CCDC171: variants seen among roughly 807,000 people sequenced by gnomAD.
CCDC171 encodes the protein coiled-coil domain containing 171.
CCDC171 carries 177 observed loss-of-function variants against 168.2 expected under a neutral mutation model. That is an observed-to-expected ratio of 1.05 (90% CI 0.93 to 1.19). CCDC171 has a LOEUF of 1.19. CCDC171 is among the 50% of genes most tolerant of loss of function. The pLI is 0.00. For synonymous variants in CCDC171, 687 were observed against 540.8 expected (o/e 1.27, Z -3.75); for missense variants, 1,991 against 1,539.0 (o/e 1.29, Z -4.91).
chr9:15,691,931 C>A (rs1335251336), intron 10 of CCDC171, among the ~76,000 whole-genome samples: 1 of 152,126 alleles, frequency 6.6e-6, no homozygotes, highest in Non-Finnish European at 1.5e-5. Flanking sequence ...GCCTTGGCCT[C>A]CCAAAGTGCT....
intron 21 of CCDC171, among the ~76,000 whole-genome samples, chr9:15,789,411 T>C (rs1167806507): frequency 1.3e-5 from 2 of 152,288 alleles, no homozygotes; most frequent in East Asian, 3.9e-4. Context: ...AGATAGGAGC[T>C]TGAACCTAAA....
intron 12 of CCDC171, 128 bp downstream of exon 12, chr9:15,722,003 A>G (rs1249421969): frequency 1.5e-5 from 6 of 388,086 alleles, no homozygotes; most frequent in Non-Finnish European, 2.3e-5. Context: ...ACAAAAAATA[A>G]TAAATTATCT....
intron 21 of CCDC171, chr9:15,845,553 T>A (rs2060859246): frequency 6.6e-6 from 1 of 152,162 alleles, no homozygotes; most frequent in African/African-American, 2.4e-5. Context: ...CTTTTTTTTA[T>A]ACTACCCATT....
At chr9:16,036,758 G>A (rs989413565) in intron 8 of CCDC171, among the ~76,000 whole-genome samples, 1 of 152,224 alleles carries the variant, frequency 6.6e-6, no homozygotes, top group Non-Finnish European at 1.5e-5. Flanking sequence ...TTGGGTTTGA[G>A]GTTTGAATTT....
intron 24 of CCDC171, among the ~76,000 whole-genome samples, chr9:15,881,201 A>C (rs898754881): frequency 6.6e-6 from 1 of 152,228 alleles, no homozygotes; most frequent in African/African-American, 2.4e-5. Context: ...CATATTGCAC[A>C]AGTAGAACTA....
Position 15,745,256 on chromosome 9 carries a change from T to G in CCDC171, c.2555-259T>G, listed in dbSNP as rs575605693. Reference sequence around the variant, plus strand: ...ACTATTTTGAAGAAACAATTTGTTTTAATTTTTAAAAAGCAGACTATTAAG... The same window carrying G: ...ACTATTTTGAAGAAACAATTTGTTTGAATTTTTAAAAAGCAGACTATTAAG... On this transcript the variant is annotated intron_variant, in intron 17 of 25. Coordinates refer to ENST00000380701, the MANE Select transcript of CCDC171 (RefSeq NM_173550.4). 2.6e-5 allele frequency among the ~76,000 whole-genome samples: 4 copies of G among 152,358 alleles called. No homozygotes were observed. The South Asian group carries it at 8.3e-4, about 32-fold the overall frequency.
chr9:15,931,817 T>C (rs1826552783), intron 25 of CCDC171, among the ~76,000 whole-genome samples: 1 of 151,660 alleles, frequency 6.6e-6, no homozygotes, highest in African/African-American at 2.4e-5. Context: ...AGGTAGGGGG[T>C]CTAATGCCAT....
chr9:15,793,931 A>G (rs555890837), intron 21 of CCDC171, among the ~76,000 whole-genome samples: 5 of 152,100 alleles, frequency 3.3e-5, no homozygotes, highest in East Asian at 1.9e-4. Flanking sequence ...TATTTATTCT[A>G]TAATGATAGT....
At chr9:16,010,104 G>T (rs1057501880) in intron 3 of CCDC171, among the ~76,000 whole-genome samples, 2 of 152,100 alleles carry the variant, frequency 1.3e-5, no homozygotes, top group African/African-American at 2.4e-5. Flanking sequence ...ACTTAAACAA[G>T]AAATTGTTGA....
chr9:15,954,900 G>A (rs750922116), intron 25 of CCDC171, among the ~76,000 whole-genome samples: 1 of 151,788 alleles, frequency 6.6e-6, no homozygotes, highest in Admixed American at 6.6e-5. Flanking sequence ...TAATGTCTTT[G>A]TCTCAGAGAC....
intron 2 of CCDC171, among the ~76,000 whole-genome samples, chr9:15,570,674 T>C (rs2131057766): frequency 6.6e-6 from 1 of 152,348 alleles, no homozygotes; most frequent in East Asian, 1.9e-4. Flanking sequence ...ATTTTTCACC[T>C]GGTTGCTTAG....
At chr9:16,067,305 G>A in the CCDC171 span, among the ~76,000 whole-genome samples, 14 of 151,836 alleles carry the variant, frequency 9.2e-5, no homozygotes, top group Admixed American at 6.6e-5. Context: ...TTTTTGATGG[G>A]GTTGTTTGTT....
intron 16 of CCDC171, among the ~76,000 whole-genome samples, chr9:15,733,229 C>A (rs905632555): frequency 2.5e-4 from 38 of 152,198 alleles, no homozygotes; most frequent in African/African-American, 8.9e-4. Flanking sequence ...TTTTCAGATA[C>A]ATGATTTGTA....
chr9:15,621,864 AGACATG>A (rs2044536566), intron 6 of CCDC171, among the ~76,000 whole-genome samples: 1 of 152,246 alleles, frequency 6.6e-6, no homozygotes, highest in Non-Finnish European at 1.5e-5. Context: ...ACAATAGCAA[AGACATG>A]GAGTCAACCT....
chr9:15,963,883 T>A (rs1186695789), intron 25 of CCDC171, among the ~76,000 whole-genome samples: 1 of 152,180 alleles, frequency 6.6e-6, no homozygotes, highest in African/African-American at 2.4e-5. Flanking sequence ...CTCTCTAAGC[T>A]AAATTAGTTA....
At chr9:16,006,666 G>C (rs574977934) in intron 3 of CCDC171, among the ~76,000 whole-genome samples, 1 of 151,032 alleles carries the variant, frequency 6.6e-6, no homozygotes, top group East Asian at 2.0e-4. Context: ...CTACCTATGA[G>C]TGAGAACATG....
At chr9:15,789,130 T>G (rs2135555140) in intron 21 of CCDC171, among the ~76,000 whole-genome samples, 1 of 152,154 alleles carries the variant, frequency 6.6e-6, no homozygotes, top group South Asian at 2.1e-4. Flanking sequence ...CATCCCTAAT[T>G]TGAAAATCCA....
chr9:15,752,479 G>T (rs977594181), intron 18 of CCDC171, among the ~76,000 whole-genome samples: 2 of 152,008 alleles, frequency 1.3e-5, no homozygotes, highest in African/African-American at 4.8e-5. Flanking sequence ...CCATAGCAAA[G>T]ACTTGGAACC....
intron 5 of CCDC171, among the ~76,000 whole-genome samples, chr9:15,592,207 T>A (rs1268784765): frequency 6.6e-6 from 1 of 151,552 alleles, no homozygotes; most frequent in African/African-American, 2.4e-5. Flanking sequence ...TGCAGGCCTG[T>A]AGTTCCAGCT....
Sources: allele counts gnomAD v4.1 joint callset (sites outside exome capture counted in the v4.1 genomes callset), GRCh38; gene constraint gnomAD v4.1.1; transcripts MANE v1.5; gene names NCBI Gene and HGNC (gene_info 2026-07-23, HGNC 2026-07-21).